The following TENM1 variants were observed in gnomAD, a reference collection of about 807,000 sequenced individuals.
TENM1 encodes the protein teneurin transmembrane protein 1, also known as teneurin-1.
In TENM1, 35 loss-of-function variants were observed where a neutral mutation model predicts 174.8. The ratio of observed to expected loss-of-function variants is 0.20; its 90% CI spans 0.15 to 0.27. TENM1 has a LOEUF of 0.27. Ranked by LOEUF, TENM1 falls within the 10% of genes least tolerant of loss-of-function variation. The probability of loss-of-function intolerance (pLI) is 1.00; values close to 1 mark genes in which losing one functional copy is unlikely to be tolerated. For missense variants in TENM1, 1,633 were observed against 2,130.1 expected (o/e 0.77, Z 4.59); for synonymous variants, 781 against 798.7 (o/e 0.98, Z 0.37).
the TENM1 span, among the ~76,000 whole-genome samples, chrX:125,067,360 A>G: frequency 9.0e-6 from 1 of 111,454 alleles, no homozygotes; most frequent in Non-Finnish European, 1.9e-5. Context: ...TGGTGCTCAA[A>G]TAGTTTTCAC....
the TENM1 span, among the ~76,000 whole-genome samples, chrX:125,176,457 C>T: frequency 9.0e-6 from 1 of 111,350 alleles, no homozygotes; most frequent in Admixed American, 9.6e-5. Flanking sequence ...GCAGACAAAG[C>T]AGTTACCACA....
intron 22 of TENM1, among the ~76,000 whole-genome samples, chrX:124,474,820 C>T (rs901804515): frequency 1.8e-5 from 2 of 112,104 alleles, no homozygotes; most frequent in Non-Finnish European, 1.9e-5. Flanking sequence ...GGTTGTATAA[C>T]AGGCACTAAC....
intron 3 of TENM1, among the ~76,000 whole-genome samples, chrX:124,834,369 G>A (rs754364202): frequency 1.1e-4 from 12 of 111,286 alleles, no homozygotes; most frequent in African/African-American, 3.6e-4. Flanking sequence ...ATGGGGTTTC[G>A]CCACATGGCC....
the TENM1 span, among the ~76,000 whole-genome samples, chrX:125,070,662 G>A: frequency 9.0e-6 from 1 of 111,453 alleles, no homozygotes; most frequent in African/African-American, 3.3e-5. Context: ...CTGTGCCTTG[G>A]TTCCCACCTC....
At chrX:124,673,573 CA>C (rs1299529371) in intron 5 of TENM1, among the ~76,000 whole-genome samples, 1 of 111,341 alleles carries the variant, frequency 9.0e-6, no homozygotes, top group Non-Finnish European at 1.9e-5. Flanking sequence ...GATGGCATTG[CA>C]ATAATTTAGG....
chrX:124,437,830 C>A (rs916330661), intron 23 of TENM1, among the ~76,000 whole-genome samples: 2 of 112,129 alleles, frequency 1.8e-5, no homozygotes, highest in Non-Finnish European at 3.8e-5. Flanking sequence ...AAGATAAACA[C>A]GTTTCAACAG....
the TENM1 span, among the ~76,000 whole-genome samples, chrX:125,124,622 T>C: frequency 1.8e-5 from 2 of 112,572 alleles, no homozygotes; most frequent in South Asian, 7.3e-4. Context: ...CCAAGTCATA[T>C]GTGTTTTCTG....
At chrX:124,873,211 A>G (rs1301454770) in intron 3 of TENM1, among the ~76,000 whole-genome samples, 3 of 110,516 alleles carry the variant, frequency 2.7e-5, no homozygotes, top group Non-Finnish European at 5.7e-5. Context: ...CAAAGTACAA[A>G]CGGGACAAAA....
chrX:124,969,363 A>G, the TENM1 span, among the ~76,000 whole-genome samples: 1 of 111,771 alleles, frequency 8.9e-6, no homozygotes, highest in South Asian at 3.7e-4. Flanking sequence ...AACAAGACAA[A>G]CTCTAAGTGA....
chrX:124,980,313 C>T, the TENM1 span, among the ~76,000 whole-genome samples: 3 of 111,258 alleles, frequency 2.7e-5, no homozygotes, highest in South Asian at 7.5e-4. Context: ...GACTGATAAG[C>T]GCTGGGTTCA....
intron 23 of TENM1, among the ~76,000 whole-genome samples, chrX:124,450,290 G>C (rs2061017108): frequency 9.2e-6 from 1 of 108,460 alleles, no homozygotes; most frequent in Non-Finnish European, 1.9e-5. Flanking sequence ...AACCCGGGAG[G>C]CGGAGCTTGC....
intron 22 of TENM1, among the ~76,000 whole-genome samples, chrX:124,465,870 A>G (rs2061235792): frequency 9.0e-6 from 1 of 111,440 alleles, no homozygotes. Context: ...AAGGGCAGGG[A>G]CCATATCTTC....
At chrX:124,513,781 C>T (rs1020278704) in intron 18 of TENM1, among the ~76,000 whole-genome samples, 1 of 112,067 alleles carries the variant, frequency 8.9e-6, no homozygotes, top group Non-Finnish European at 1.9e-5. Context: ...ACTCATTTAT[C>T]ATCTGAACTA....
chrX:125,196,673 T>C, the TENM1 span, among the ~76,000 whole-genome samples: 3 of 112,105 alleles, frequency 2.7e-5, no homozygotes, highest in Non-Finnish European at 5.7e-5. Flanking sequence ...TGTGTAGTTA[T>C]AGTGTATTTA....
At chrX:125,097,153 T>C in the TENM1 span, among the ~76,000 whole-genome samples, 1 of 111,616 alleles carries the variant, frequency 9.0e-6, no homozygotes, top group African/African-American at 3.3e-5. Flanking sequence ...CATTTGACCC[T>C]AACTACTGAA....
At chrX:124,726,749 T>C (rs140583816) in intron 4 of TENM1, among the ~76,000 whole-genome samples, 1,480 of 111,034 alleles carry the variant, frequency 0.013, 24 homozygotes, top group African/African-American at 0.047. Context: ...AAAAAACTAC[T>C]TATAAATGTT....
intron 8 of TENM1, 45 bp downstream of exon 11, chrX:124,651,869 C>T: frequency 8.4e-7 from 1 of 1,186,428 alleles, no homozygotes; most frequent in East Asian, 3.0e-5. Flanking sequence ...TTGTGTCTTT[C>T]TAGGGTTGAA....
At chrX:124,463,821 C>T (rs986186349) in intron 22 of TENM1, among the ~76,000 whole-genome samples, 2 of 93,004 alleles carry the variant, frequency 2.2e-5, no homozygotes, top group Non-Finnish European at 4.3e-5. Context: ...TTTTTCTTTG[C>T]TTTATAGAGG....
the TENM1 span, among the ~76,000 whole-genome samples, chrX:125,178,993 A>G: frequency 5.4e-5 from 6 of 110,596 alleles, no homozygotes; most frequent in African/African-American, 2.0e-4. Context: ...AATGACCTAT[A>G]TTTTGACTAC....
Sources: gnomAD v4.1 joint callset for allele counts (sites outside exome capture counted in the v4.1 genomes callset) on GRCh38, gnomAD v4.1.1 for gene constraint, MANE v1.5 for transcripts, NCBI Gene and HGNC (gene_info 2026-07-23, HGNC 2026-07-21) for gene names.